Variants in RNGTT observed in about 807,000 individuals in gnomAD.
RNGTT encodes the protein RNA guanylyltransferase and 5'-phosphatase.
Under a neutral mutation model 79.3 loss-of-function variants are expected in RNGTT, and 33 were observed. The observed-to-expected ratio is 0.42, with a 90% confidence interval of 0.32 to 0.56. The LOEUF (loss-of-function observed/expected upper bound fraction) is 0.56, where lower values mean the gene tolerates loss of function less well. Ranked by LOEUF, RNGTT falls within the 20% of genes least tolerant of loss-of-function variation. RNGTT has a pLI of 0.17. For synonymous variants in RNGTT, 222 were observed against 235.9 expected (o/e 0.94, Z 0.54); for missense variants, 497 against 739.1 (o/e 0.67, Z 3.80).
chr6:88,913,924 A>G (rs1213014302), intron 4 of RNGTT, among the ~76,000 whole-genome samples: 1 of 152,106 alleles, frequency 6.6e-6, no homozygotes, highest in African/African-American at 2.4e-5. Flanking sequence ...TATGTTCTCT[A>G]TTTCAGTAAA....
chr6:88,824,842 A>G (rs1331909929), intron 11 of RNGTT, among the ~76,000 whole-genome samples: 1 of 151,044 alleles, frequency 6.6e-6, no homozygotes, highest in African/African-American at 2.4e-5. Context: ...ACCTGGGTCC[A>G]AGAGATTCTC....
At chr6:88,693,213 A>G (rs1401703588) in intron 13 of RNGTT, among the ~76,000 whole-genome samples, 1 of 152,122 alleles carries the variant, frequency 6.6e-6, no homozygotes, top group African/African-American at 2.4e-5. Context: ...AAAGATAAAC[A>G]AAATTGGCAA....
intron 8 of RNGTT, among the ~76,000 whole-genome samples, chr6:88,868,184 G>T (rs561989203): frequency 6.6e-6 from 1 of 151,640 alleles, no homozygotes; most frequent in Admixed American, 6.6e-5. Flanking sequence ...GGCCTCAAAG[G>T]CTATGGGGCT....
intron 13 of RNGTT, among the ~76,000 whole-genome samples, chr6:88,745,552 G>A (rs1001170939): frequency 7.2e-5 from 11 of 152,102 alleles, no homozygotes; most frequent in Admixed American, 3.3e-4. Context: ...TATGTTATTG[G>A]AATTAATTTC....
chr6:88,891,636 A>C (rs563784326), intron 7 of RNGTT, among the ~76,000 whole-genome samples, 170 bp downstream of exon 7: 1 of 152,150 alleles, frequency 6.6e-6, no homozygotes, highest in African/African-American at 2.4e-5. Flanking sequence ...TCTAATTTTG[A>C]CTCAACTGTC....
At chr6:88,746,240 A>G (rs748595126) in intron 13 of RNGTT, among the ~76,000 whole-genome samples, 9 of 151,636 alleles carry the variant, frequency 5.9e-5, no homozygotes, top group Non-Finnish European at 1.0e-4. Context: ...TTCACAACCA[A>G]CTGGCTGCTC....
intron 4 of RNGTT, among the ~76,000 whole-genome samples, chr6:88,909,675 C>T (rs1005654020): frequency 2.0e-5 from 3 of 152,140 alleles, no homozygotes; most frequent in Admixed American, 2.0e-4. Flanking sequence ...CATCTCTTAC[C>T]CTGCGTCCTC....
intron 8 of RNGTT, among the ~76,000 whole-genome samples, chr6:88,870,483 A>T (rs78739220): frequency 0.034 from 5,101 of 149,514 alleles, 304 homozygotes; most frequent in African/African-American, 0.12. Context: ...TTTCTATTAG[A>T]CTCCTTTGCT....
chr6:88,913,557 C>T (rs1024155683), intron 4 of RNGTT, among the ~76,000 whole-genome samples: 14 of 152,130 alleles, frequency 9.2e-5, no homozygotes, highest in Non-Finnish European at 1.6e-4. Flanking sequence ...GTTCAACATA[C>T]GAAAATCAGT....
At chr6:88,874,692 C>A (rs1782462104) in intron 8 of RNGTT, among the ~76,000 whole-genome samples, 1 of 151,928 alleles carries the variant, frequency 6.6e-6, no homozygotes, top group African/African-American at 2.4e-5. Flanking sequence ...GTTAACACCT[C>A]ATCTAACAGA....
At chr6:88,952,483 C>T (rs1785284013) in intron 1 of RNGTT, among the ~76,000 whole-genome samples, 1 of 152,198 alleles carries the variant, frequency 6.6e-6, no homozygotes, top group Non-Finnish European at 1.5e-5. Flanking sequence ...TTGAAAGCAC[C>T]ACCTCCTGGC....
intron 11 of RNGTT, among the ~76,000 whole-genome samples, chr6:88,828,726 AACTTCGTGAAGCAT>A (rs1009805502): frequency 6.6e-6 from 1 of 152,022 alleles, no homozygotes; most frequent in African/African-American, 2.4e-5. Context: ...ACAGCATGAG[AACTTCGTGAAGCAT>A]ACACAAATAT....
At chr6:88,836,412 C>G (rs1246246009) in intron 11 of RNGTT, among the ~76,000 whole-genome samples, 1 of 151,708 alleles carries the variant, frequency 6.6e-6, no homozygotes, top group Non-Finnish European at 1.5e-5. Flanking sequence ...AAAAATAAAC[C>G]AAAACCGCAA....
intron 14 of RNGTT, among the ~76,000 whole-genome samples, chr6:88,666,836 G>C (rs192053869): frequency 1.5e-4 from 23 of 152,280 alleles, no homozygotes; most frequent in Non-Finnish European, 2.4e-4. Flanking sequence ...CGAACTCATT[G>C]CTTTAACTCA....
intron 13 of RNGTT, among the ~76,000 whole-genome samples, chr6:88,744,796 A>G (rs1245801838): frequency 6.6e-6 from 1 of 152,168 alleles, no homozygotes; most frequent in Non-Finnish European, 1.5e-5. Context: ...CAGGATTATA[A>G]TCATCTGCTA....
rs1772945096 is a variant in RNGTT, at chr6:88,632,682, C to CT, written c.1507-18288dup. ...AACAAACAAACCTGATTGAGATCCACTTAATGGATTTCGAAACCAACCATC... is the reference window on the plus strand; with the variant it reads ...AACAAACAAACCTGATTGAGATCCACTTTAATGGATTTCGAAACCAACCATC... On this transcript the variant is annotated intron_variant, in intron 14 of 15. Coordinates refer to ENST00000369485, the MANE Select transcript of RNGTT (RefSeq NM_003800.5). Among the ~76,000 whole-genome samples the CT allele has an allele frequency of 5.3e-5, 8 of 151,954 alleles. 1 individual carries two copies. Among genetic ancestry groups the CT allele is most frequent in the Admixed American group, 4.6e-4 (7 of 15,242 alleles).
chr6:88,783,642 A>G (rs1490684263), intron 12 of RNGTT, among the ~76,000 whole-genome samples: 4 of 152,184 alleles, frequency 2.6e-5, no homozygotes, highest in South Asian at 2.1e-4. Flanking sequence ...ACATTTATAA[A>G]TCTATAAATC....
At chr6:88,904,544 A>T (rs1783582783) in intron 6 of RNGTT, among the ~76,000 whole-genome samples, 171 bp downstream of exon 6, 1 of 151,996 alleles carries the variant, frequency 6.6e-6, no homozygotes, top group African/African-American at 2.4e-5. Context: ...CCTGGGCAAC[A>T]GAGCAAAACT....
chr6:88,695,105 G>A (rs754001450), intron 13 of RNGTT, among the ~76,000 whole-genome samples: 10 of 151,998 alleles, frequency 6.6e-5, no homozygotes, highest in Non-Finnish European at 1.5e-4. Context: ...CATTGGTCTG[G>A]GCAATGATTT....
Sources: allele counts gnomAD v4.1 joint callset (sites outside exome capture counted in the v4.1 genomes callset), GRCh38; gene constraint gnomAD v4.1.1; transcripts MANE v1.5; gene names NCBI Gene and HGNC (gene_info 2026-07-23, HGNC 2026-07-21).